The following SRSF4 variants were observed in gnomAD, a reference collection of about 807,000 sequenced individuals.
SRSF4 encodes the protein serine/arginine-rich splicing factor 4.
SRSF4 carries 12 observed loss-of-function variants against 48.8 expected under a neutral mutation model. The observed-to-expected ratio is 0.25, with a 90% CI of 0.16 to 0.40. SRSF4 has a LOEUF of 0.40. Ranked by LOEUF, SRSF4 falls within the 10% of genes least tolerant of loss-of-function variation. The probability of loss-of-function intolerance (pLI) is 1.00; values close to 1 mark genes in which losing one functional copy is unlikely to be tolerated. For synonymous variants in SRSF4, 248 were observed against 232.5 expected (o/e 1.07, Z -0.61); for missense variants, 466 against 667.1 (o/e 0.70, Z 3.32).
intron 1 of SRSF4, among the ~76,000 whole-genome samples, chr1:29,174,528 G>T (rs1672805699): frequency 6.6e-6 from 1 of 152,024 alleles, no homozygotes; most frequent in Non-Finnish European, 1.5e-5. Context: ...CAGGTTGTAG[G>T]AGAATACTTA....
At chr1:29,176,339 CATTA>C (rs1244188834) in intron 1 of SRSF4, among the ~76,000 whole-genome samples, 1 of 152,062 alleles carries the variant, frequency 6.6e-6, no homozygotes, top group African/African-American at 2.4e-5. Flanking sequence ...TTTTGTCACT[CATTA>C]GTTATAGCAT....
intron 1 of SRSF4, among the ~76,000 whole-genome samples, chr1:29,174,904 C>T (rs927036124): frequency 6.6e-6 from 1 of 150,974 alleles, no homozygotes; most frequent in East Asian, 2.0e-4. Context: ...AATCTCTTGA[C>T]CTTGTGATCT....
chr1:29,160,176 C>A (rs1198681429), intron 2 of SRSF4, 199 bp downstream of exon 2: 2 of 579,440 alleles, frequency 3.5e-6, no homozygotes, highest in Non-Finnish European at 5.6e-6. Context: ...GTATTATAAA[C>A]AAGAAATTGT....
intron 4 of SRSF4, among the ~76,000 whole-genome samples, chr1:29,152,638 G>A (rs538794747): frequency 3.3e-5 from 5 of 152,144 alleles, no homozygotes; most frequent in South Asian, 2.1e-4. Context: ...GCATTTTCTC[G>A]ACGGGCACGG....
chr1:29,152,274 C>T (rs936792716), intron 4 of SRSF4, among the ~76,000 whole-genome samples: 7 of 152,182 alleles, frequency 4.6e-5, no homozygotes, highest in Admixed American at 3.3e-4. Flanking sequence ...CTAGACTTGC[C>T]TTACAACAAT....
chr1:29,159,417 A>G lies in SRSF4; in HGVS notation c.320T>C (p.Ile107Thr), dbSNP rs1226887326. 2.5e-6 allele frequency: 4 copies of G among 1,613,890 alleles called. No individual in the cohort carries two copies. Among genetic ancestry groups the G allele is most frequent in the Non-Finnish European group, 3.4e-6 (4 of 1,180,000 alleles). ...GCACCGACTTGACAAATTCTCCACA[A>G]TAAGTCTGTACTCTGTGCGAGTAGG... is the stretch of plus-strand genomic sequence containing the variant. ...GPPTRTEYRL[I>T]VENLSSRCSW... Residue 107 changes from isoleucine (I) to threonine (T), a missense_variant, in exon 3 of 6, where the codon ATT (isoleucine) becomes ACT (threonine). This residue lies in a region of SRSF4 where 64 missense variants were observed against 230.2 expected (regional missense o/e 0.28). Coordinates refer to ENST00000373795, the MANE Select transcript of SRSF4 (RefSeq NM_005626.5).
chr1:29,157,818 T>C (rs1028709820), intron 3 of SRSF4, among the ~76,000 whole-genome samples: 1 of 152,060 alleles, frequency 6.6e-6, no homozygotes, highest in African/African-American at 2.4e-5. Flanking sequence ...CCTAAGACCA[T>C]TCAGATTATG....
rs770487277 is a variant in SRSF4, at chr1:29,149,068, T to C, written c.827A>G (p.Lys276Arg). The C allele has an allele frequency of 6.8e-6, 11 of 1,612,232 alleles. No individual in the cohort carries two copies. The South Asian group carries it at 1.2e-4, about 18-fold the overall frequency. ...CCCGACATTGTCATTGTTTTGGATCTTCTCTTCAGCTTGGTCTTTGCTCTT... is the reference window on the plus strand; with the variant it reads ...CCCGACATTGTCATTGTTTTGGATCCTCTCTTCAGCTTGGTCTTTGCTCTT... The part of the protein sequence containing the change: ...RSKSKDQAEE[K>R]IQNNDNVGKP... Residue 276 changes from lysine to arginine, a missense_variant, in exon 6 of 6, where the codon AAG becomes AGG. Lys to Arg is a conservative substitution (Grantham distance 26). Coordinates refer to ENST00000373795, the MANE Select transcript of SRSF4 (RefSeq NM_005626.5).
chr1:29,164,780 C>T (rs961755882), intron 1 of SRSF4, among the ~76,000 whole-genome samples: 1 of 152,164 alleles, frequency 6.6e-6, no homozygotes, highest in African/African-American at 2.4e-5. Context: ...AATCTTCCTC[C>T]CCTATGCATA....
intron 1 of SRSF4, among the ~76,000 whole-genome samples, chr1:29,160,883 C>A (rs1672584842): frequency 1.3e-5 from 2 of 152,232 alleles, no homozygotes; most frequent in Admixed American, 6.5e-5. Context: ...ACATAAAACT[C>A]ATCTTTTTTA....
rs1340111829 is a variant in SRSF4, at chr1:29,181,821, CACGGCGGCAGCGGCG to C, written c.-84_-70del. On this transcript the variant is annotated 5_prime_UTR_variant, in exon 1 of 6. Transcript: ENST00000373795. The stretch of plus-strand genomic sequence containing the variant: ...TAGGCGGCGGCGGGCAAAGCGAGAG[CACGGCGGCAGCGGCG>C]GCGGCGGCAACGGGCGGGCGGCGGG... The C allele has an allele frequency of 5.2e-6, 7 of 1,342,592 alleles. No homozygotes were observed. The highest frequency in any genetic ancestry group is 9.7e-7 in the Non-Finnish European group (1 of 1,028,074). The allele number at this position is 1,342,592 out of a possible 1,614,324, so 83.2% of individuals were successfully genotyped here. A position where few individuals can be genotyped will look rare whatever the true frequency, so the allele number is the denominator to read the frequency against.
rs1322109784 is a variant in SRSF4, at chr1:29,157,769, AGAAG to A, written c.363+1601_363+1604del. 3.3e-5 allele frequency among the ~76,000 whole-genome samples: 5 copies of A among 152,228 alleles called. No homozygotes were observed. In the South Asian group the frequency reaches 1.0e-3, roughly 31 times the overall value. On this transcript the variant is annotated intron_variant, in intron 3 of 5. Transcript: ENST00000373795. ...TGTTTAAATATGGCCAAAAAAAGCGAGAAGGGAGACAGAAAACAAAACCTGTTTC... is the reference window on the plus strand; with the variant it reads ...TGTTTAAATATGGCCAAAAAAAGCGAGGAGACAGAAAACAAAACCTGTTTC...
chr1:29,171,740 TACTAGAA>T (rs1672747500), intron 1 of SRSF4: 1 of 151,994 alleles, frequency 6.6e-6, no homozygotes, highest in South Asian at 2.1e-4. Flanking sequence ...CATAAAAAAA[TACTAGAA>T]ACCCAAACCA....
chr1:29,174,224 TAGG>T (rs1672798952), intron 1 of SRSF4, among the ~76,000 whole-genome samples: 1 of 132,966 alleles, frequency 7.5e-6, no homozygotes, highest in Non-Finnish European at 1.6e-5. Context: ...AAAAAAAAAA[TAGG>T]AGCTCTTAAA....
At chr1:29,163,121 T>C (rs1265195095) in intron 1 of SRSF4, among the ~76,000 whole-genome samples, 1 of 152,226 alleles carries the variant, frequency 6.6e-6, no homozygotes, top group African/African-American at 2.4e-5. Context: ...GCAAGGCATA[T>C]CTTGCCAATA....
rs1163538157 is a variant in SRSF4, at chr1:29,174,635, G to C, written c.107+7011C>G. 2.7e-5 allele frequency among the ~76,000 whole-genome samples: 4 copies of C among 150,864 alleles called. No homozygotes were observed. The East Asian group carries it at 7.7e-4, about 29-fold the overall frequency. ...AAGTTTGGAAAAAAAAAAGGAGTCA[G>C]GAGAGGCATAAGAAAAGGGAGAGAC... On this transcript the variant is annotated intron_variant, in intron 1 of 5. Coordinates refer to ENST00000373795, the MANE Select transcript of SRSF4 (RefSeq NM_005626.5).
At chr1:29,158,852 T>G (rs1054574419) in intron 3 of SRSF4, among the ~76,000 whole-genome samples, 1 of 151,734 alleles carries the variant, frequency 6.6e-6, no homozygotes, top group Non-Finnish European at 1.5e-5. Context: ...CCGGGCGCGG[T>G]GGCTCACGCC....
intron 1 of SRSF4, among the ~76,000 whole-genome samples, chr1:29,181,112 TG>T (rs1296894133): frequency 1.3e-5 from 2 of 152,166 alleles, no homozygotes; most frequent in East Asian, 3.8e-4. Context: ...CTACTCAAAC[TG>T]GAGTCTCCCG....
chr1:29,149,281 G>A (rs1672365229), intron 5 of SRSF4, 55 bp from the exon 6 acceptor site: 1 of 1,574,748 alleles, frequency 6.4e-7, no homozygotes, highest in Non-Finnish European at 8.6e-7. Flanking sequence ...CTAATCAGGA[G>A]ATAAAAAGAC....
Sources: allele counts gnomAD v4.1 joint callset (sites outside exome capture counted in the v4.1 genomes callset), GRCh38; gene constraint gnomAD v4.1.1; regional missense constraint gnomAD v4.1.1; transcripts MANE v1.5; gene names NCBI Gene and HGNC (gene_info 2026-07-23, HGNC 2026-07-21).